DAB1: variants seen among roughly 807,000 people sequenced by gnomAD.
The protein encoded by DAB1 is disabled homolog 1.
In DAB1, 15 loss-of-function variants were observed where a neutral mutation model predicts 64.6. That is an observed-to-expected ratio of 0.23 (90% CI 0.16 to 0.36). The LOEUF (loss-of-function observed/expected upper bound fraction) is 0.36. DAB1 is among the 10% of genes least tolerant of loss of function. DAB1 has a pLI of 1.00. For synonymous variants in DAB1, 235 were observed against 251.9 expected (o/e 0.93, Z 0.64); for missense variants, 596 against 706.7 (o/e 0.84, Z 1.78).
At chr1:57,761,470 C>T (rs868533640) in intron 6 of DAB1, among the ~76,000 whole-genome samples, 16 of 152,138 alleles carry the variant, frequency 1.1e-4, no homozygotes, top group Non-Finnish European at 1.9e-4. Flanking sequence ...CTGGATTTGA[C>T]GATCTTTACA....
At chr1:58,322,174 G>A (rs1662699854) in intron 4 of DAB1, among the ~76,000 whole-genome samples, 1 of 152,148 alleles carries the variant, frequency 6.6e-6, no homozygotes, top group Non-Finnish European at 1.5e-5. Flanking sequence ...CAAGACATAG[G>A]CATGGGCAAA....
At chr1:57,565,536 G>A (rs1029229341) in intron 7 of DAB1, among the ~76,000 whole-genome samples, 5 of 152,204 alleles carry the variant, frequency 3.3e-5, no homozygotes, top group East Asian at 1.9e-4. Flanking sequence ...CCCATCTCAC[G>A]TGCAGAGACA....
rs538119334 is a variant in DAB1, at chr1:57,498,256, G to T, written n.625+151336C>A. 2.5e-3 allele frequency among the ~76,000 whole-genome samples: 378 copies of T among 152,306 alleles called. 1 individual carries two copies. Among genetic ancestry groups the T allele is most frequent in the Non-Finnish European group, 4.0e-3 (275 of 68,026 alleles). ...AAATAGCAAGAAATGTGGGTCTAGAGCTCAGGGAAGGCTGTGCATTGGAGA... is the reference window on the plus strand; with the variant it reads ...AAATAGCAAGAAATGTGGGTCTAGATCTCAGGGAAGGCTGTGCATTGGAGA... On this transcript the variant is annotated intron_variant and non_coding_transcript_variant, in intron 7 of 20. Transcript: ENST00000485760.
chr1:58,427,701 C>A (rs1238448120), intron 3 of DAB1, among the ~76,000 whole-genome samples: 2 of 152,066 alleles, frequency 1.3e-5, no homozygotes, highest in African/African-American at 4.8e-5. Context: ...GTCTTCGGTG[C>A]CAGGAATTTG....
At chr1:57,134,251 C>T (rs1304013076) in intron 4 of DAB1, among the ~76,000 whole-genome samples, 1 of 152,078 alleles carries the variant, frequency 6.6e-6, no homozygotes, top group Non-Finnish European at 1.5e-5. Context: ...TGAGGTCACA[C>T]AGAGCAAGTC....
At chr1:57,531,226 T>C (rs559181047) in intron 7 of DAB1, among the ~76,000 whole-genome samples, 32 of 152,262 alleles carry the variant, frequency 2.1e-4, no homozygotes, top group African/African-American at 7.5e-4. Context: ...AACTGAGCAA[T>C]TAACCTTGTG....
intron 5 of DAB1, among the ~76,000 whole-genome samples, chr1:58,114,871 T>A (rs1378694475): frequency 6.6e-6 from 1 of 152,190 alleles, no homozygotes; most frequent in Non-Finnish European, 1.5e-5. Flanking sequence ...TGTGATTGGA[T>A]TATGTCTGTG....
At chr1:58,182,939 C>T (rs1237523908) in intron 4 of DAB1, among the ~76,000 whole-genome samples, 1 of 151,914 alleles carries the variant, frequency 6.6e-6, no homozygotes, top group Non-Finnish European at 1.5e-5. Flanking sequence ...GATTCTGATT[C>T]TTCCCAGAAG....
intron 3 of DAB1, among the ~76,000 whole-genome samples, chr1:58,430,291 C>T (rs1023513578): frequency 3.7e-4 from 57 of 152,302 alleles, no homozygotes; most frequent in African/African-American, 1.3e-3. Context: ...TATAGTTACT[C>T]AATAAGCTGT....
At chr1:58,265,597 G>C (rs113254792) in intron 4 of DAB1, among the ~76,000 whole-genome samples, 88 of 152,192 alleles carry the variant, frequency 5.8e-4, no homozygotes, top group African/African-American at 2.0e-3. Context: ...TTACATGAAA[G>C]AATATTAATC....
intron 3 of DAB1, among the ~76,000 whole-genome samples, chr1:58,442,106 T>G (rs1389581405): frequency 1.3e-5 from 2 of 152,220 alleles, no homozygotes; most frequent in Admixed American, 6.5e-5. Context: ...TTTTTCATTC[T>G]GCTTTATTTA....
rs1235843912 is a variant in DAB1, at chr1:57,800,421, A to G, written n.551+83578T>C. 2.0e-5 allele frequency among the ~76,000 whole-genome samples: 3 copies of G among 152,344 alleles called. No individual in the cohort carries two copies. In the East Asian group the frequency reaches 5.8e-4, roughly 29 times the overall value. On this transcript the variant is annotated intron_variant and non_coding_transcript_variant, in intron 6 of 20. Coordinates refer to the DAB1 transcript ENST00000485760. ...TGCTTGCAAGTGTATCAGTATGAGCATTCTTAGTTAAAACTCAGTTTCACA... is the reference window on the plus strand; with the variant it reads ...TGCTTGCAAGTGTATCAGTATGAGCGTTCTTAGTTAAAACTCAGTTTCACA...
intron 5 of DAB1, among the ~76,000 whole-genome samples, chr1:58,147,180 G>T (rs1040433942): frequency 6.6e-6 from 1 of 151,946 alleles, no homozygotes; most frequent in Non-Finnish European, 1.5e-5. Flanking sequence ...GGTAGCAGGT[G>T]CCTGTAATCT....
chr1:57,868,854 C>T (rs1456592711), intron 1 of DAB1, among the ~76,000 whole-genome samples: 5 of 152,066 alleles, frequency 3.3e-5, no homozygotes, highest in Non-Finnish European at 7.4e-5. Flanking sequence ...CCTTTCTTAC[C>T]TCTGTGTCTT....
intron 7 of DAB1, among the ~76,000 whole-genome samples, chr1:57,551,863 C>A (rs1644917840): frequency 6.6e-6 from 1 of 152,082 alleles, no homozygotes; most frequent in South Asian, 2.1e-4. Flanking sequence ...TTGAAACAGG[C>A]ACTCATAATT....
At chr1:57,077,091 G>A (rs1266407154) in intron 4 of DAB1, among the ~76,000 whole-genome samples, 5 of 152,178 alleles carry the variant, frequency 3.3e-5, no homozygotes, top group East Asian at 3.9e-4. Flanking sequence ...TGGGCGAAGG[G>A]CATCAAAGAA....
At chr1:58,489,692 C>A (rs950332571) in intron 3 of DAB1, among the ~76,000 whole-genome samples, 3 of 152,178 alleles carry the variant, frequency 2.0e-5, no homozygotes, top group African/African-American at 4.8e-5. Flanking sequence ...AGGCACCCCC[C>A]AGTAGGGGCA....
chr1:57,665,928 A>T (rs935604483), intron 6 of DAB1, among the ~76,000 whole-genome samples: 3 of 150,770 alleles, frequency 2.0e-5, no homozygotes, highest in South Asian at 2.1e-4. Flanking sequence ...TTTAATGAGT[A>T]CAGGTTAGTT....
chr1:57,837,326 C>T (rs1652851722), intron 1 of DAB1, among the ~76,000 whole-genome samples: 1 of 152,176 alleles, frequency 6.6e-6, no homozygotes, highest in Non-Finnish European at 1.5e-5. Flanking sequence ...ACATCTCTAA[C>T]ACATTCATGT....
Sources: gnomAD v4.1 joint callset for allele counts (sites outside exome capture counted in the v4.1 genomes callset) on GRCh38, gnomAD v4.1.1 for gene constraint, MANE v1.5 for transcripts, NCBI Gene and HGNC (gene_info 2026-07-23, HGNC 2026-07-21) for gene names.